Variants in NSMAF observed in about 807,000 individuals in gnomAD.
The protein encoded by NSMAF is neutral sphingomyelinase activation associated factor.
In NSMAF, 90 loss-of-function variants were observed where a neutral mutation model predicts 134.9. The observed-to-expected ratio is 0.67, with a 90% CI of 0.56 to 0.79. The LOEUF (loss-of-function observed/expected upper bound fraction) is 0.79. Among genes scored for constraint, NSMAF ranks in the 30% least tolerant of loss-of-function variants. The pLI is 0.00. For missense variants in NSMAF, 1,010 were observed against 1,119.0 expected, an observed-to-expected ratio of 0.90 and a Z score of 1.39; for synonymous variants, 358 against 389.6, an observed-to-expected ratio of 0.92 and a Z score of 0.96.
intron 13 of NSMAF, 130 bp downstream of exon 13, chr8:58,603,080 A>G: frequency 1.1e-6 from 1 of 894,174 alleles, no homozygotes; most frequent in African/African-American, 1.7e-5. Context: ...TAGCAATACA[A>G]CTGAAATGAG....
Position 58,597,849 on chromosome 8 carries a change from C to A in NSMAF, c.1628+11G>T. ...AACTCAAGTAGAAACTCCTTATTGA[C>A]ATATAAGTACCTGTTCAAGTCTACA... On this transcript the variant is annotated intron_variant, in intron 20 of 30. Transcript: ENST00000038176. The A allele has an allele frequency of 6.4e-7, 1 of 1,562,914 alleles. No individual in the cohort carries two copies. The highest frequency in any genetic ancestry group is 8.8e-7 in the Non-Finnish European group (1 of 1,135,350).
rs148145587 is a variant in NSMAF, at chr8:58,657,869, T to C, written c.59+1704A>G. The stretch of plus-strand genomic sequence containing the variant: ...AAGAGCTAGAGTTCTCTCTGAACAC[T>C]GCCAGCCTATCACGTTGTTGTCTAA... On this transcript the variant is annotated intron_variant, in intron 1 of 30. Coordinates refer to ENST00000038176, the MANE Select transcript of NSMAF (RefSeq NM_003580.4). Among the ~76,000 whole-genome samples, 409 of 152,376 alleles carry C rather than the reference T, an allele frequency of 2.7e-3. 8 individuals carry two copies. Among genetic ancestry groups the C allele is most frequent in the Admixed American group, 0.018 (271 of 15,310 alleles).
chr8:58,621,742 G>A (rs1806792014), intron 9 of NSMAF, among the ~76,000 whole-genome samples: 1 of 152,170 alleles, frequency 6.6e-6, no homozygotes, highest in South Asian at 2.1e-4. Flanking sequence ...TAGTGGCATT[G>A]AGCATTTTTT....
rs941372065 is a variant in NSMAF, at chr8:58,600,244, A to G, written c.1281-223T>C. 7.1e-6 allele frequency: 4 copies of G among 562,642 alleles called. No homozygotes were observed. The African/African-American group carries it at 7.6e-5, about 11-fold the overall frequency. The allele number at this position is 562,642 out of a possible 1,614,324, so 34.9% of individuals were successfully genotyped here. ...CCAGGGTCACATGGCGGGAGTGGGC[A>G]TAGAGTCCGAGTCCACACCATTAGC... On this transcript the variant is annotated intron_variant, in intron 16 of 30. Transcript: ENST00000038176.
intron 1 of NSMAF, among the ~76,000 whole-genome samples, chr8:58,654,782 T>C (rs1190701312): frequency 6.6e-6 from 1 of 152,228 alleles, no homozygotes; most frequent in African/African-American, 2.4e-5. Context: ...GATAAAACTA[T>C]GACTCTTCCT....
intron 6 of NSMAF, among the ~76,000 whole-genome samples, chr8:58,628,827 A>G (rs12334684): frequency 0.53 from 80,529 of 151,870 alleles, 22,724 homozygotes; most frequent in African/African-American, 0.73. Context: ...AGGCATTTTT[A>G]TTTGTTTGTT....
chr8:58,599,426 G>A, intron 18 of NSMAF, 63 bp from the exon 19 acceptor site: 1 of 1,564,986 alleles, frequency 6.4e-7, no homozygotes. Context: ...CATTTCTCTT[G>A]TCTATCTATA....
chr8:58,591,036 T>C, intron 23 of NSMAF, 102 bp from the exon 24 acceptor site: 1 of 1,312,544 alleles, frequency 7.6e-7, no homozygotes, highest in Non-Finnish European at 1.0e-6. Flanking sequence ...AACAGTACAC[T>C]TTATACTCCA....
chr8:58,656,693 G>A (rs1210556167), intron 1 of NSMAF, among the ~76,000 whole-genome samples: 1 of 152,088 alleles, frequency 6.6e-6, no homozygotes, highest in East Asian at 1.9e-4. Flanking sequence ...AGCCGGGCGT[G>A]GTGACAGGCG....
chr8:58,603,514 G>A, intron 12 of NSMAF, 128 bp from the exon 13 acceptor site: 4 of 766,968 alleles, frequency 5.2e-6, no homozygotes, highest in East Asian at 5.4e-5. Flanking sequence ...AAGAAAAGTA[G>A]GCTGCTGACT....
intron 1 of NSMAF, among the ~76,000 whole-genome samples, chr8:58,657,891 C>G (rs1206979849): frequency 1.2e-4 from 18 of 152,182 alleles, no homozygotes; most frequent in Admixed American, 1.2e-3. Context: ...ACGTTGTTGT[C>G]TAATCAATGA....
intron 10 of NSMAF, among the ~76,000 whole-genome samples, chr8:58,608,912 G>T (rs996346080): frequency 6.6e-6 from 1 of 152,198 alleles, no homozygotes; most frequent in African/African-American, 2.4e-5. Flanking sequence ...GGGTGTGTTA[G>T]GATTTCTGTT....
chr8:58,590,132 A>G, intron 24 of NSMAF, 58 bp from the exon 25 acceptor site: 1 of 1,445,212 alleles, frequency 6.9e-7, no homozygotes, highest in African/African-American at 1.4e-5. Flanking sequence ...TCTCTAACAC[A>G]GTAAAGCTAT....
Position 58,599,769 on chromosome 8 carries a change from C to T in NSMAF, c.1434G>A (p.Glu478=). The T allele has an allele frequency of 6.2e-7, 1 of 1,614,084 alleles. No individual in the cohort carries two copies. Among genetic ancestry groups the T allele is most frequent in the Non-Finnish European group, 8.5e-7 (1 of 1,179,954 alleles). Residue 478 remains glutamate (E), a synonymous_variant, in exon 18 of 31, where the codon GAG becomes GAA. Coordinates refer to ENST00000038176, the MANE Select transcript of NSMAF (RefSeq NM_003580.4). ...ACTCACTGGAAGCCCAAGGGGGAAG[C>T]TCCACGTCGTCAACCATCTGTCCTC... The part of the protein sequence containing the change: ...RQGGQMVDDV[E]LPPWASSPED...
chr8:58,639,560 C>T (rs1365162687), intron 2 of NSMAF, among the ~76,000 whole-genome samples: 1 of 152,120 alleles, frequency 6.6e-6, no homozygotes, highest in Non-Finnish European at 1.5e-5. Flanking sequence ...TCTCAAAAAA[C>T]TAAAAATAGA....
At chr8:58,616,506 GATC>G (rs771861677) in intron 9 of NSMAF, among the ~76,000 whole-genome samples, 1 of 151,906 alleles carries the variant, frequency 6.6e-6, no homozygotes, top group Non-Finnish European at 1.5e-5. Context: ...AAAAAAATAT[GATC>G]ATGTCAATGA....
chr8:58,619,557 T>C (rs1215115353), intron 9 of NSMAF, among the ~76,000 whole-genome samples: 2 of 152,130 alleles, frequency 1.3e-5, no homozygotes, highest in Non-Finnish European at 2.9e-5. Context: ...AATCTAAATA[T>C]ACAGTTAATG....
rs116201925 is a variant in NSMAF at position 58,631,995 on chromosome 8, T to C, written c.334-449A>G. Reference sequence around the variant, plus strand: ...ATGCACTGGGCCACTGGTCCTTACATAGTATATTAATAACTATGTGGAATA... The same window carrying C: ...ATGCACTGGGCCACTGGTCCTTACACAGTATATTAATAACTATGTGGAATA... On this transcript the variant is annotated intron_variant, in intron 5 of 30. Transcript: ENST00000038176. 5.2e-3 allele frequency among the ~76,000 whole-genome samples: 790 copies of C among 152,256 alleles called. 7 individuals are homozygous for C. The highest frequency in any genetic ancestry group is 0.018 in the African/African-American group (734 of 41,538).
At chr8:58,586,292 ACTGTACC>A (rs1805883472) in intron 28 of NSMAF, 159 bp downstream of exon 28, 1 of 683,148 alleles carries the variant, frequency 1.5e-6, no homozygotes, top group Non-Finnish European at 2.5e-6. Context: ...CCACAAGTAT[ACTGTACC>A]CTGGCATAAA....
Sources: allele counts gnomAD v4.1 joint callset (sites outside exome capture counted in the v4.1 genomes callset), GRCh38; gene constraint gnomAD v4.1.1; transcripts MANE v1.5; gene names NCBI Gene and HGNC (gene_info 2026-07-23, HGNC 2026-07-21).